LRRC4C: variants seen among roughly 807,000 people sequenced by gnomAD.
LRRC4C encodes leucine rich repeat containing 4C.
A neutral mutation model predicts 33.6 loss-of-function variants in LRRC4C; 5 were observed. The ratio of observed to expected loss-of-function variants is 0.15; its 90% confidence interval spans 0.08 to 0.31. The LOEUF (loss-of-function observed/expected upper bound fraction) is 0.31, where lower values mean the gene tolerates loss of function less well. LRRC4C is among the 10% of genes least tolerant of loss of function. LRRC4C has a pLI of 1.00. For missense variants in LRRC4C, 560 were observed against 796.7 expected (o/e 0.70, Z 3.58); for synonymous variants, 329 against 302.0 (o/e 1.09, Z -0.93).
intron 3 of LRRC4C, among the ~76,000 whole-genome samples, chr11:40,389,258 T>G (rs1368213598): frequency 6.6e-6 from 1 of 152,108 alleles, no homozygotes; most frequent in Non-Finnish European, 1.5e-5. Flanking sequence ...GTGATAGAGA[T>G]ATCTTAGGGC....
chr11:40,811,336 CTTA>C (rs897431594), intron 2 of LRRC4C, among the ~76,000 whole-genome samples: 2 of 152,066 alleles, frequency 1.3e-5, no homozygotes, highest in African/African-American at 4.8e-5. Flanking sequence ...GTACCTCAAG[CTTA>C]TTATATTTAA....
intron 1 of LRRC4C, among the ~76,000 whole-genome samples, chr11:41,416,096 C>A (rs1565655955): frequency 6.6e-6 from 1 of 151,908 alleles, no homozygotes; most frequent in African/African-American, 2.4e-5. Context: ...CTCGGTATTA[C>A]CATTTTTCAG....
intron 3 of LRRC4C, among the ~76,000 whole-genome samples, chr11:40,374,627 A>G (rs1258884821): frequency 1.3e-5 from 2 of 152,156 alleles, no homozygotes; most frequent in African/African-American, 2.4e-5. Context: ...TTTAGATTTC[A>G]TACATCTTTT....
intron 1 of LRRC4C, among the ~76,000 whole-genome samples, chr11:41,245,716 A>G (rs1948424643): frequency 6.6e-6 from 1 of 152,040 alleles, no homozygotes; most frequent in South Asian, 2.1e-4. Flanking sequence ...TGTGTTTTTC[A>G]GCCATGCCAT....
Position 41,123,256 on chromosome 11 carries a change from GTTTTGTTTTT to G in LRRC4C, c.-495-189543_-495-189534del, listed in dbSNP as rs745875385. 3.7e-3 allele frequency among the ~76,000 whole-genome samples: 395 copies of G among 107,110 alleles called. 29 individuals carry two copies. The highest frequency in any genetic ancestry group is 6.0e-3 in the African/African-American group (151 of 25,340). 70.3% of individuals were successfully genotyped at this position (107,110 alleles called of 152,430 possible). ...AAATGCTTTCTCTATCCTGAGCTAT[GTTTTGTTTTT>G]TTTTTTTTTTTTTTTTTTTTTTTTG... On this transcript the variant is annotated intron_variant, in intron 1 of 6. Coordinates refer to ENST00000528697, the MANE Select transcript of LRRC4C (RefSeq NM_001258419.2).
intron 2 of LRRC4C, among the ~76,000 whole-genome samples, chr11:40,689,733 T>G (rs1305633564): frequency 6.6e-6 from 1 of 152,096 alleles, no homozygotes; most frequent in East Asian, 1.9e-4. Context: ...CTGCATAAAC[T>G]TTTCCCTTTT....
intron 1 of LRRC4C, among the ~76,000 whole-genome samples, chr11:41,195,870 G>C (rs1184226553): frequency 6.6e-6 from 1 of 152,044 alleles, no homozygotes; most frequent in Non-Finnish European, 1.5e-5. Flanking sequence ...CAGATGCAAA[G>C]TTGTTTTTGT....
At chr11:40,425,446 A>G (rs559457979) in intron 3 of LRRC4C, among the ~76,000 whole-genome samples, 28 of 152,284 alleles carry the variant, frequency 1.8e-4, no homozygotes, top group African/African-American at 6.7e-4. Flanking sequence ...TTAGCCTTAC[A>G]AAGGTTCAAC....
intron 1 of LRRC4C, among the ~76,000 whole-genome samples, chr11:41,120,460 T>G (rs1199980749): frequency 6.6e-6 from 1 of 152,146 alleles, no homozygotes; most frequent in African/African-American, 2.4e-5. Flanking sequence ...CATTGCTCCC[T>G]ATATTCTAGT....
intron 3 of LRRC4C, among the ~76,000 whole-genome samples, chr11:40,322,427 G>T (rs991670290): frequency 4.6e-5 from 7 of 152,048 alleles, no homozygotes; most frequent in African/African-American, 1.7e-4. Context: ...TGTGTTTTTA[G>T]TAGAGATGGG....
intron 1 of LRRC4C, among the ~76,000 whole-genome samples, chr11:41,193,235 CA>C (rs1046360385): frequency 1.6e-4 from 24 of 152,198 alleles, no homozygotes; most frequent in African/African-American, 5.5e-4. Context: ...AGTACCTCTC[CA>C]GAAAGGAATC....
chr11:41,215,236 C>A (rs968983485), intron 1 of LRRC4C, among the ~76,000 whole-genome samples: 14 of 151,484 alleles, frequency 9.2e-5, no homozygotes, highest in Non-Finnish European at 1.6e-4. Context: ...GTCTGTAACC[C>A]CAGCACGTTG....
At chr11:40,861,187 G>C (rs781260681) in intron 2 of LRRC4C, among the ~76,000 whole-genome samples, 3 of 152,116 alleles carry the variant, frequency 2.0e-5, no homozygotes, top group Non-Finnish European at 2.9e-5. Context: ...TAGCTGAGAT[G>C]AGTGAAGATA....
At chr11:40,967,598 A>T (rs567164270) in intron 1 of LRRC4C, among the ~76,000 whole-genome samples, 1 of 152,032 alleles carries the variant, frequency 6.6e-6, no homozygotes, top group East Asian at 1.9e-4. Context: ...TTCTTATTAT[A>T]TCTCTTATAG....
At chr11:40,810,407 T>C (rs1951438705) in intron 2 of LRRC4C, among the ~76,000 whole-genome samples, 1 of 152,210 alleles carries the variant, frequency 6.6e-6, no homozygotes, top group Non-Finnish European at 1.5e-5. Context: ...CATCAGTTTT[T>C]TATCTAAACT....
chr11:40,469,009 G>T (rs894695193), intron 3 of LRRC4C, among the ~76,000 whole-genome samples: 9 of 152,176 alleles, frequency 5.9e-5, no homozygotes, highest in African/African-American at 2.2e-4. Flanking sequence ...TACAATGTTA[G>T]GCACTCAGCC....
intron 2 of LRRC4C, among the ~76,000 whole-genome samples, chr11:40,788,425 C>G (rs1253105435): frequency 6.6e-6 from 1 of 152,080 alleles, no homozygotes; most frequent in East Asian, 1.9e-4. Context: ...GAAACCTCAC[C>G]CTTTGCTGTA....
chr11:41,211,389 TTATA>T (rs1474339090), intron 1 of LRRC4C, among the ~76,000 whole-genome samples: 1 of 152,116 alleles, frequency 6.6e-6, no homozygotes, highest in East Asian at 1.9e-4. Context: ...TGCAGGTTTG[TTATA>T]TATGTATACA....
At chr11:41,130,062 T>C (rs1428062173) in intron 1 of LRRC4C, among the ~76,000 whole-genome samples, 1 of 151,978 alleles carries the variant, frequency 6.6e-6, no homozygotes, top group East Asian at 1.9e-4. Flanking sequence ...ATAGGATGTG[T>C]AACTCAAACT....
Sources: allele counts gnomAD v4.1 joint callset (sites outside exome capture counted in the v4.1 genomes callset), GRCh38; gene constraint gnomAD v4.1.1; transcripts MANE v1.5; gene names NCBI Gene and HGNC (gene_info 2026-07-23, HGNC 2026-07-21).